Variants in IL1RAPL1 observed in about 807,000 individuals in gnomAD.
IL1RAPL1 encodes the protein interleukin 1 receptor accessory protein like 1.
Under a neutral mutation model 48.4 loss-of-function variants are expected in IL1RAPL1, and 3 were observed. The ratio of observed to expected loss-of-function variants is 0.06; its 90% CI spans 0.03 to 0.16. The LOEUF (loss-of-function observed/expected upper bound fraction) is 0.16, where lower values mean the gene tolerates loss of function less well. IL1RAPL1 is among the 10% of genes least tolerant of loss of function. The pLI is 1.00. For synonymous variants in IL1RAPL1, 185 were observed against 187.7 expected, an observed-to-expected ratio of 0.99 and a Z score of 0.12; for missense variants, 349 against 530.6, an observed-to-expected ratio of 0.66 and a Z score of 3.36.
intron 5 of IL1RAPL1, among the ~76,000 whole-genome samples, chrX:29,642,222 A>C (rs1177100608): frequency 8.9e-6 from 1 of 112,135 alleles, no homozygotes. Context: ...TTATATTTCA[A>C]TGAGTGAGAA....
rs1452793732 is a variant in IL1RAPL1, at chrX:28,779,646, A to G, written c.-24-9674A>G. On this transcript the variant is annotated intron_variant, in intron 1 of 10. Coordinates refer to ENST00000378993, the MANE Select transcript of IL1RAPL1 (RefSeq NM_014271.4). ...TGTGTGTGTGTGTGTATATATATAT[A>G]TATATATATATATATATATATATAT... 9.2e-3 allele frequency among the ~76,000 whole-genome samples: 668 copies of G among 72,395 alleles called. 20 individuals carry two copies. Among genetic ancestry groups the G allele is most frequent in the African/African-American group, 0.034 (597 of 17,648 alleles). The allele number at this position is 72,395 out of a possible 115,157, so 62.9% of individuals were successfully genotyped here.
intron 1 of IL1RAPL1, among the ~76,000 whole-genome samples, chrX:28,737,205 C>CTCTTTCTTTCTTTCTTTCTTTCTT (rs762616408): frequency 4.0e-5 from 2 of 50,277 alleles, no homozygotes; most frequent in Non-Finnish European, 6.9e-5. Context: ...TTCTTTCTTT[C>CTCTTTCTTTCTTTCTTTCTTTCTT]TCTTTCTTTC....
intron 1 of IL1RAPL1, among the ~76,000 whole-genome samples, chrX:28,623,235 C>G (rs778968217): frequency 1.8e-5 from 2 of 111,182 alleles, no homozygotes; most frequent in East Asian, 2.8e-4. Flanking sequence ...AGGTGAGACT[C>G]TCTGAGAGAG....
At chrX:28,887,221 C>G (rs1442137323) in intron 2 of IL1RAPL1, among the ~76,000 whole-genome samples, 2 of 111,115 alleles carry the variant, frequency 1.8e-5, no homozygotes, top group African/African-American at 6.5e-5. Context: ...AGGTTACACT[C>G]AGTGTTCAGC....
chrX:29,109,519 T>A (rs1213060758), intron 2 of IL1RAPL1, among the ~76,000 whole-genome samples: 1 of 110,830 alleles, frequency 9.0e-6, no homozygotes, highest in Admixed American at 9.7e-5. Flanking sequence ...ACGCCTGATT[T>A]TGTGGTAAGA....
At position 29,907,613 on chromosome X, in the gene IL1RAPL1, G is replaced by A. The variant is rs766975179; in HGVS notation, c.779-9851G>A. ...TTCAAAGAGTTGTACCACTGCCTGCGGGATAAACATGATGTTGTTTTTTTA... is the reference window on the plus strand; with the variant it reads ...TTCAAAGAGTTGTACCACTGCCTGCAGGATAAACATGATGTTGTTTTTTTA... On this transcript the variant is annotated intron_variant, in intron 6 of 10. Transcript: ENST00000378993. Among the ~76,000 whole-genome samples, 9 of 111,582 alleles carry A rather than the reference G, an allele frequency of 8.1e-5. No homozygotes were observed. In the East Asian group the frequency reaches 2.2e-3, roughly 28 times the overall value.
intron 5 of IL1RAPL1, among the ~76,000 whole-genome samples, chrX:29,649,690 A>T (rs1415066325): frequency 4.5e-5 from 5 of 111,707 alleles, no homozygotes; most frequent in Non-Finnish European, 9.4e-5. Context: ...TTCCTCAAAG[A>T]TCTGGAACAA....
At chrX:28,717,407 A>G (rs1199219386) in intron 1 of IL1RAPL1, among the ~76,000 whole-genome samples, 1 of 111,739 alleles carries the variant, frequency 8.9e-6, no homozygotes, top group Non-Finnish European at 1.9e-5. Context: ...ACAGAAAACC[A>G]AATACCACAT....
intron 5 of IL1RAPL1, among the ~76,000 whole-genome samples, chrX:29,517,164 A>G (rs181979120): frequency 1.3e-4 from 14 of 110,669 alleles, no homozygotes; most frequent in Middle Eastern, 4.7e-3. Context: ...AGCTTTTTGA[A>G]TTTTACTAGG....
chrX:28,906,533 G>A (rs1019370598), intron 2 of IL1RAPL1, among the ~76,000 whole-genome samples: 2 of 111,683 alleles, frequency 1.8e-5, no homozygotes, highest in Non-Finnish European at 3.8e-5. Flanking sequence ...GAAGTAAGTG[G>A]TTGGGTAATT....
chrX:29,954,904 T>C lies in IL1RAPL1; in HGVS notation c.1373-198T>C, dbSNP rs1313016646. Among the ~76,000 whole-genome samples the C allele has an allele frequency of 1.7e-4, 19 of 112,414 alleles. 1 individual carries two copies. Among genetic ancestry groups the C allele is most frequent in the African/African-American group, 5.8e-4 (18 of 30,901 alleles). On this transcript the variant is annotated intron_variant, in intron 10 of 10. Transcript: ENST00000378993. ...CCATTACTGTATAAAGCATCTCATTTTGTGAGCCTTGACATTGAAAGAAAC... is the reference window on the plus strand; with the variant it reads ...CCATTACTGTATAAAGCATCTCATTCTGTGAGCCTTGACATTGAAAGAAAC...
intron 2 of IL1RAPL1, among the ~76,000 whole-genome samples, chrX:29,204,660 T>C (rs1260140026): frequency 1.8e-5 from 2 of 112,437 alleles, no homozygotes; most frequent in African/African-American, 3.2e-5. Context: ...GTAGTAATTA[T>C]ATTTTTCCTA....
At chrX:28,964,296 CTAT>C (rs1250770326) in intron 2 of IL1RAPL1, among the ~76,000 whole-genome samples, 1 of 111,522 alleles carries the variant, frequency 9.0e-6, no homozygotes, top group African/African-American at 3.2e-5. Flanking sequence ...AGACATATGT[CTAT>C]TAAGTAACTG....
chrX:28,721,691 T>A (rs1391934776), intron 1 of IL1RAPL1, among the ~76,000 whole-genome samples: 2 of 111,281 alleles, frequency 1.8e-5, no homozygotes, highest in South Asian at 7.4e-4. Context: ...CTGAATGGTA[T>A]TGCCTAGGTT....
chrX:29,759,178 G>T (rs939935613), intron 6 of IL1RAPL1, among the ~76,000 whole-genome samples: 1 of 112,102 alleles, frequency 8.9e-6, no homozygotes, highest in Non-Finnish European at 1.9e-5. Context: ...GACATTAAAG[G>T]TGTAATTGTT....
Position 29,405,360 on chromosome X carries a change from C to CTTTCTT in IL1RAPL1, c.703+6055_703+6056insCTTTTT, listed in dbSNP as rs1377087452. On this transcript the variant is annotated intron_variant, in intron 5 of 10. Transcript: ENST00000378993. ...ATAGATATGATATTTTCTCTGTGTT[C>CTTTCTT]TTTATTTATTTATTTATTTTTTTTG... 9.0e-3 allele frequency among the ~76,000 whole-genome samples: 894 copies of CTTTCTT among 99,235 alleles called. 102 individuals are homozygous for CTTTCTT. Among genetic ancestry groups the CTTTCTT allele is most frequent in the African/African-American group, 0.037 (803 of 21,956 alleles). 86.2% of individuals were successfully genotyped at this position (99,235 alleles called of 115,157 possible).
At chrX:29,190,180 A>G (rs996609794) in intron 2 of IL1RAPL1, among the ~76,000 whole-genome samples, 2 of 112,116 alleles carry the variant, frequency 1.8e-5, no homozygotes, top group African/African-American at 6.5e-5. Flanking sequence ...AATTTAATAA[A>G]TGGTAATTAT....
chrX:28,984,287 A>G (rs1039209628), intron 2 of IL1RAPL1, among the ~76,000 whole-genome samples: 12 of 111,444 alleles, frequency 1.1e-4, no homozygotes, highest in South Asian at 3.8e-4. Context: ...ATTTGTCTGC[A>G]ATATTGGATG....
At chrX:29,850,585 C>T (rs1248577232) in intron 6 of IL1RAPL1, among the ~76,000 whole-genome samples, 2 of 112,388 alleles carry the variant, frequency 1.8e-5, no homozygotes, top group South Asian at 3.7e-4. Context: ...CTGCTGGAGC[C>T]CGTAAGGCTC....
Sources: gnomAD v4.1 joint callset for allele counts (sites outside exome capture counted in the v4.1 genomes callset) on GRCh38, gnomAD v4.1.1 for gene constraint, MANE v1.5 for transcripts, NCBI Gene and HGNC (gene_info 2026-07-23, HGNC 2026-07-21) for gene names.